PARD3: variants seen among roughly 807,000 people sequenced by gnomAD.
The protein encoded by PARD3 is partitioning defective 3 homolog.
PARD3 carries 75 observed loss-of-function variants against 155.4 expected under a neutral mutation model. That is an observed-to-expected ratio of 0.48 (90% CI 0.40 to 0.58). PARD3 has a LOEUF of 0.58. Among genes scored for constraint, PARD3 ranks in the 20% least tolerant of loss-of-function variants. The probability of loss-of-function intolerance (pLI) is 0.00; values close to 1 mark genes in which losing one functional copy is unlikely to be tolerated. For synonymous variants in PARD3, 576 were observed against 610.5 expected, an observed-to-expected ratio of 0.94 and a Z score of 0.83; for missense variants, 1,642 against 1,721.7, an observed-to-expected ratio of 0.95 and a Z score of 0.82.
intron 22 of PARD3, among the ~76,000 whole-genome samples, chr10:34,153,111 T>C (rs1421460527): frequency 6.6e-6 from 1 of 152,194 alleles, no homozygotes; most frequent in Non-Finnish European, 1.5e-5. Flanking sequence ...GGGAAAACTT[T>C]TTTTTTGAAA....
chr10:34,168,342 C>A (rs1230164812), intron 22 of PARD3, among the ~76,000 whole-genome samples: 1 of 152,174 alleles, frequency 6.6e-6, no homozygotes, highest in Non-Finnish European at 1.5e-5. Flanking sequence ...AGTTTTTCTG[C>A]AAAATTATCT....
chr10:34,602,239 C>T (rs981434397), intron 2 of PARD3, among the ~76,000 whole-genome samples: 1 of 152,102 alleles, frequency 6.6e-6, no homozygotes, highest in Non-Finnish European at 1.5e-5. Context: ...ACACTTTTCA[C>T]TTTTCAAAAA....
chr10:34,752,653 C>T (rs978906117), intron 1 of PARD3, among the ~76,000 whole-genome samples: 1 of 152,152 alleles, frequency 6.6e-6, no homozygotes, highest in Admixed American at 6.5e-5. Flanking sequence ...CTTGCTGCCT[C>T]TCAATTCAAT....
intron 22 of PARD3, among the ~76,000 whole-genome samples, chr10:34,156,633 A>C (rs1390338225): frequency 6.6e-6 from 1 of 152,178 alleles, no homozygotes; most frequent in Non-Finnish European, 1.5e-5. Context: ...TCACCACTTC[A>C]CTTGCATGAG....
chr10:34,375,308 T>C (rs1392709124), intron 10 of PARD3, among the ~76,000 whole-genome samples: 4 of 152,164 alleles, frequency 2.6e-5, no homozygotes, highest in African/African-American at 9.7e-5. Flanking sequence ...ATTTCAAAAA[T>C]GTCAAGTTAA....
intron 2 of PARD3, among the ~76,000 whole-genome samples, chr10:34,601,711 G>C (rs2384231): frequency 0.49 from 73,717 of 151,528 alleles, 19,627 homozygotes; most frequent in African/African-American, 0.73. Flanking sequence ...TTCAGTTTCC[G>C]ACTACATTTG....
chr10:34,267,283 G>A (rs17578916), intron 22 of PARD3, among the ~76,000 whole-genome samples: 15,944 of 152,078 alleles, frequency 0.1, 2,040 homozygotes, highest in African/African-American at 0.31. Context: ...CCAAGTAAGA[G>A]CTTTTAAAGA....
intron 3 of PARD3, among the ~76,000 whole-genome samples, chr10:34,510,081 A>C (rs186474967): frequency 1.3e-5 from 2 of 152,342 alleles, no homozygotes; most frequent in African/African-American, 4.8e-5. Flanking sequence ...CTTGGAGGGA[A>C]TTAGAAGAAT....
intron 22 of PARD3, among the ~76,000 whole-genome samples, chr10:34,235,684 G>A (rs935270491): frequency 6.6e-6 from 1 of 152,156 alleles, no homozygotes. Context: ...GCCGAGTTCT[G>A]ACTAATGATA....
At chr10:34,792,531 T>C (rs1457149088) in intron 1 of PARD3, among the ~76,000 whole-genome samples, 5 of 152,080 alleles carry the variant, frequency 3.3e-5, no homozygotes, top group African/African-American at 1.2e-4. Flanking sequence ...ACACCCAGAG[T>C]CACAAAGCCA....
rs376364765 is a variant in PARD3 at position 34,670,933 on chromosome 10, C to A, written c.222+25385G>T. ...AATACATTTCTACCTCCTCATTTTACAACTGATTACTTCAGCAACACATCG... is the reference window on the plus strand; with the variant it reads ...AATACATTTCTACCTCCTCATTTTAAAACTGATTACTTCAGCAACACATCG... On this transcript the variant is annotated intron_variant, in intron 2 of 24. Transcript: ENST00000374788. Among the ~76,000 whole-genome samples the A allele has an allele frequency of 8.5e-5, 13 of 152,310 alleles. No individual in the cohort carries two copies. In the East Asian group the frequency reaches 1.5e-3, roughly 18 times the overall value.
chr10:34,344,940 A>C (rs1445268285), intron 15 of PARD3: 2 of 985,294 alleles, frequency 2.0e-6, no homozygotes, highest in African/African-American at 3.5e-5. Flanking sequence ...ATATAAGGTA[A>C]GTTGGCTGGA....
At chr10:34,183,347 G>A (rs1424295317) in intron 22 of PARD3, among the ~76,000 whole-genome samples, 1 of 152,132 alleles carries the variant, frequency 6.6e-6, no homozygotes, top group African/African-American at 2.4e-5. Context: ...TCCTAATACA[G>A]GAGTTATTAA....
At chr10:34,507,057 A>C (rs542850388) in intron 3 of PARD3, among the ~76,000 whole-genome samples, 13 of 152,166 alleles carry the variant, frequency 8.5e-5, no homozygotes, top group Non-Finnish European at 1.3e-4. Context: ...CATCTTCTGC[A>C]GTGAGCTTCC....
intron 2 of PARD3, among the ~76,000 whole-genome samples, chr10:34,693,132 T>A (rs1423671158): frequency 1.3e-5 from 2 of 152,202 alleles, no homozygotes; most frequent in Non-Finnish European, 2.9e-5. Context: ...GAAAAGGGAA[T>A]GTTTATACGC....
At chr10:34,532,117 G>A (rs2082900112) in intron 2 of PARD3, among the ~76,000 whole-genome samples, 1 of 152,068 alleles carries the variant, frequency 6.6e-6, no homozygotes, top group Non-Finnish European at 1.5e-5. Context: ...ATGGCACCAC[G>A]TATGCTCTGT....
intron 6 of PARD3, among the ~76,000 whole-genome samples, chr10:34,400,100 C>A (rs1262099672): frequency 8.5e-5 from 13 of 152,204 alleles, no homozygotes; most frequent in Non-Finnish European, 1.8e-4. Flanking sequence ...TCAAAGCCAA[C>A]AGGCATCTAC....
At chr10:34,544,703 T>C (rs918964951) in intron 2 of PARD3, among the ~76,000 whole-genome samples, 6 of 152,172 alleles carry the variant, frequency 3.9e-5, no homozygotes, top group Admixed American at 2.0e-4. Context: ...GTCCTAACCT[T>C]ATAGAGATGA....
intron 20 of PARD3, among the ~76,000 whole-genome samples, chr10:34,299,803 G>A (rs1353945666): frequency 6.6e-6 from 1 of 152,168 alleles, no homozygotes; most frequent in East Asian, 1.9e-4. Context: ...CCCATTTAAA[G>A]ACTGTAATGG....
Sources: allele counts gnomAD v4.1 joint callset (sites outside exome capture counted in the v4.1 genomes callset), GRCh38; gene constraint gnomAD v4.1.1; transcripts MANE v1.5; gene names NCBI Gene and HGNC (gene_info 2026-07-23, HGNC 2026-07-21).